DERA: variants seen among roughly 807,000 people sequenced by gnomAD.
DERA encodes deoxyribose-phosphate aldolase, also known as 2-deoxy-D-ribose 5-phosphate aldolase.
DERA carries 15 observed loss-of-function variants against 41.1 expected under a neutral mutation model. The observed-to-expected ratio is 0.37, with a 90% CI of 0.24 to 0.56. DERA has a LOEUF of 0.56. Among genes scored for constraint, DERA ranks in the 20% least tolerant of loss-of-function variants. The pLI is 0.81. For missense variants in DERA, 396 were observed against 403.4 expected, an observed-to-expected ratio of 0.98 and a Z score of 0.16; for synonymous variants, 139 against 137.4, an observed-to-expected ratio of 1.01 and a Z score of -0.08.
chr12:15,927,528 A>T (rs929553422), intron 1 of DERA, among the ~76,000 whole-genome samples: 1 of 152,196 alleles, frequency 6.6e-6, no homozygotes, highest in African/African-American at 2.4e-5. Context: ...TTTGCTTAAA[A>T]AGTTAGGCAT....
rs1948194559 is a variant in DERA at position 15,915,762 on chromosome 12, T to G, written c.31+4348T>G. On this transcript the variant is annotated intron_variant, in intron 1 of 8. Transcript: ENST00000428559. The surrounding 1 kb of genome is among the most constrained non-coding windows in gnomAD (Gnocchi z 4.8). ...CTTGTAAGGCACTATGCTGAATGCT[T>G]GAAATTCTCATTTAGTCCACAATGG... Among the ~76,000 whole-genome samples the G allele has an allele frequency of 6.6e-6, 1 of 152,198 alleles. No individual in the cohort carries two copies. Among genetic ancestry groups the G allele is most frequent in the South Asian group, 2.1e-4 (1 of 4,828 alleles).
chr12:15,986,936 G>A (rs1948768566), intron 6 of DERA, among the ~76,000 whole-genome samples: 1 of 152,140 alleles, frequency 6.6e-6, no homozygotes, highest in Non-Finnish European at 1.5e-5. Context: ...TCTAAGGATA[G>A]TTTGCTGAAT....
At chr12:15,942,770 C>T (rs113116884) in intron 1 of DERA, among the ~76,000 whole-genome samples, 31 of 152,258 alleles carry the variant, frequency 2.0e-4, no homozygotes, top group African/African-American at 6.0e-4. Context: ...TTCACTGCAC[C>T]GGGCTCTCAC....
At chr12:15,926,691 C>A (rs1002157097) in intron 1 of DERA, among the ~76,000 whole-genome samples, 6 of 150,722 alleles carry the variant, frequency 4.0e-5, no homozygotes, top group African/African-American at 7.3e-5. Flanking sequence ...AGCGGAGATC[C>A]CACCACTGCA....
chr12:15,949,529 T>C (rs928939829), intron 1 of DERA, among the ~76,000 whole-genome samples: 1 of 152,160 alleles, frequency 6.6e-6, no homozygotes, highest in Non-Finnish European at 1.5e-5. Context: ...TGGTGTGCCG[T>C]TTGCTAAGAC....
chr12:16,005,883 T>C (rs964689948), intron 6 of DERA, among the ~76,000 whole-genome samples: 9 of 152,242 alleles, frequency 5.9e-5, no homozygotes, highest in African/African-American at 2.2e-4. Context: ...ACAAGATTAC[T>C]ATGAACACAT....
At chr12:16,022,127 G>T (rs1949020563) in intron 6 of DERA, among the ~76,000 whole-genome samples, 2 of 152,324 alleles carry the variant, frequency 1.3e-5, no homozygotes, top group South Asian at 4.1e-4. Context: ...GCAGGGCCTG[G>T]TGGAAGGTGT....
rs150036832 is a variant in DERA, at chr12:16,005,108, G to T, written c.637+22672G>T. Among the ~76,000 whole-genome samples, 574 of 152,200 alleles carry T rather than the reference G, an allele frequency of 3.8e-3. 5 individuals are homozygous for T. Among genetic ancestry groups the T allele is most frequent in the African/African-American group, 0.013 (551 of 41,526 alleles). On this transcript the variant is annotated intron_variant, in intron 6 of 8. Transcript: ENST00000428559. ...AGTCACCATAATGAACTCAACAGAC[G>T]TGCCCTGGAATGATTTGGAATACTA...
intron 1 of DERA, among the ~76,000 whole-genome samples, chr12:15,949,681 C>T (rs552303797): frequency 6.2e-4 from 95 of 152,292 alleles, no homozygotes; most frequent in African/African-American, 2.2e-3. Context: ...CTTCGGCTCA[C>T]GCTCAGTGGG....
rs1948367736 is a variant in DERA at position 15,936,850 on chromosome 12, G to GTTGTCTTGTCTTGTGTTGTCTTGTC, written c.32-20072_32-20071insGTTGTCTTGTCTTGTCTTGTCTTGT. On this transcript the variant is annotated intron_variant, in intron 1 of 8. Coordinates refer to ENST00000428559, the MANE Select transcript of DERA (RefSeq NM_015954.4). This position sits in a 1 kb window ranked among gnomAD's most constrained non-coding sequence, Gnocchi z 4.6. ...CTTATTTCTGCATCTTCTGTCTTGT[G>GTTGTCTTGTCTTGTGTTGTCTTGTC]TTGTCTTGTCTTGTCTTGTCTTGTC... Among the ~76,000 whole-genome samples, 1 of 129,420 alleles carries GTTGTCTTGTCTTGTGTTGTCTTGTC rather than the reference G, an allele frequency of 7.7e-6. No individual in the cohort carries two copies. Among genetic ancestry groups the GTTGTCTTGTCTTGTGTTGTCTTGTC allele is most frequent in the African/African-American group, 2.9e-5 (1 of 33,986 alleles). 84.9% of individuals were successfully genotyped at this position (129,420 alleles called of 152,430 possible).
Position 15,938,831 on chromosome 12 carries a change from TG to T in DERA, c.32-18104del, listed in dbSNP as rs1948390049. Among the ~76,000 whole-genome samples, 1 of 152,252 alleles carries T rather than the reference TG, an allele frequency of 6.6e-6. No homozygotes were observed. Among genetic ancestry groups the T allele is most frequent in the Non-Finnish European group, 1.5e-5 (1 of 68,048 alleles). ...CTGTTTATGATCCTTTGGGATATTT[TG>T]CTAATTCAAATACTGTAAAATTAAA... On this transcript the variant is annotated intron_variant, in intron 1 of 8. Coordinates refer to ENST00000428559, the MANE Select transcript of DERA (RefSeq NM_015954.4). This position sits in a 1 kb window ranked among gnomAD's most constrained non-coding sequence, Gnocchi z 4.1.
At chr12:15,949,999 A>T (rs1469532285) in intron 1 of DERA, among the ~76,000 whole-genome samples, 1 of 152,064 alleles carries the variant, frequency 6.6e-6, no homozygotes, top group Non-Finnish European at 1.5e-5. Context: ...GGCCTTGCCT[A>T]CTTTCCCCTG....
At position 15,931,083 on chromosome 12, in the gene DERA, A is replaced by G. The variant is rs1434251161; in HGVS notation, c.31+19669A>G. 6.6e-6 allele frequency among the ~76,000 whole-genome samples: 1 copy of G among 152,180 alleles called. No individual in the cohort carries two copies. Among genetic ancestry groups the G allele is most frequent in the African/African-American group, 2.4e-5 (1 of 41,442 alleles). ...CAAATTGTTTTAAGTGTTTTCTATT[A>G]TGGAGATATAAATAATATTTAGGAT... On this transcript the variant is annotated intron_variant, in intron 1 of 8. Transcript: ENST00000428559. This position sits in a 1 kb window ranked among gnomAD's most constrained non-coding sequence, Gnocchi z 4.6.
Position 15,913,921 on chromosome 12 carries a change from A to G in DERA, c.31+2507A>G, listed in dbSNP as rs1007327550. ...TACTATCAAGTTTTGTACCTAGACT[A>G]TTATGCCCTATATAGTCTATTAAAA... On this transcript the variant is annotated intron_variant, in intron 1 of 8. Coordinates refer to ENST00000428559, the MANE Select transcript of DERA (RefSeq NM_015954.4). This position sits in a 1 kb window ranked among gnomAD's most constrained non-coding sequence, Gnocchi z 4.5. 6.6e-6 allele frequency among the ~76,000 whole-genome samples: 1 copy of G among 152,192 alleles called. No homozygotes were observed. Among genetic ancestry groups the G allele is most frequent in the African/African-American group, 2.4e-5 (1 of 41,450 alleles).
At chr12:15,949,165 C>T (rs1224696649) in intron 1 of DERA, among the ~76,000 whole-genome samples, 1 of 152,142 alleles carries the variant, frequency 6.6e-6, no homozygotes, top group East Asian at 1.9e-4. Flanking sequence ...CTTGAGGAGG[C>T]AGTCTGTCCA....
At chr12:15,948,657 G>A (rs1186945663) in intron 1 of DERA, among the ~76,000 whole-genome samples, 1 of 152,100 alleles carries the variant, frequency 6.6e-6, no homozygotes, top group Non-Finnish European at 1.5e-5. Context: ...TCCTCTTTTA[G>A]CTCGGAGTAG....
Position 15,915,119 on chromosome 12 carries a change from T to C in DERA, c.31+3705T>C, listed in dbSNP as rs1293582544. Reference sequence around the variant, plus strand: ...GGGATGGTCACTGCCTTCACAGAGCTATTAATCGGTCTGGTTCAGGACCTG... The same window carrying C: ...GGGATGGTCACTGCCTTCACAGAGCCATTAATCGGTCTGGTTCAGGACCTG... On this transcript the variant is annotated intron_variant, in intron 1 of 8. Coordinates refer to ENST00000428559, the MANE Select transcript of DERA (RefSeq NM_015954.4). The surrounding 1 kb of genome is among the most constrained non-coding windows in gnomAD (Gnocchi z 4.8). 6.6e-6 allele frequency among the ~76,000 whole-genome samples: 1 copy of C among 152,198 alleles called. No individual in the cohort carries two copies. The highest frequency in any genetic ancestry group is 3.2e-3 in the Middle Eastern group (1 of 316).
rs1948867278 is a variant in DERA, at chr12:16,000,483, A to C, written c.637+18047A>C. ...AAAAGGAAATTCATGCTTTTACTTG[A>C]ATTATCAGGATGATGCTTTGCTTTA... On this transcript the variant is annotated intron_variant, in intron 6 of 8. Coordinates refer to ENST00000428559, the MANE Select transcript of DERA (RefSeq NM_015954.4). The surrounding 1 kb of genome is among the most constrained non-coding windows in gnomAD (Gnocchi z 4.8). Among the ~76,000 whole-genome samples the C allele has an allele frequency of 6.6e-6, 1 of 152,214 alleles. No homozygotes were observed. The highest frequency in any genetic ancestry group is 6.5e-5 in the Admixed American group (1 of 15,276).
At chr12:16,031,979 GTTGT>G (rs1042296495) in intron 6 of DERA, among the ~76,000 whole-genome samples, 7 of 152,192 alleles carry the variant, frequency 4.6e-5, no homozygotes, top group African/African-American at 1.7e-4. Flanking sequence ...AAGGAAGGAA[GTTGT>G]TTAAGATATT....
Sources: gnomAD v4.1 joint callset for allele counts (sites outside exome capture counted in the v4.1 genomes callset) on GRCh38, gnomAD v4.1.1 for gene constraint, Gnocchi (gnomAD v3.1) non-coding constraint, MANE v1.5 for transcripts, NCBI Gene and HGNC (gene_info 2026-07-23, HGNC 2026-07-21) for gene names.